The following ANO4 variants were observed in gnomAD, a reference collection of about 807,000 sequenced individuals.
ANO4 encodes the protein anoctamin 4.
Under a neutral mutation model 141.9 loss-of-function variants are expected in ANO4, and 69 were observed. That is an observed-to-expected ratio of 0.49 (90% confidence interval 0.40 to 0.59). ANO4 has a LOEUF of 0.59. ANO4 is among the 20% of genes least tolerant of loss of function. ANO4 has a pLI of 0.00. For synonymous variants in ANO4, 350 were observed against 394.3 expected, an observed-to-expected ratio of 0.89 and a Z score of 1.33; for missense variants, 894 against 1,162.2, an observed-to-expected ratio of 0.77 and a Z score of 3.36.
At chr12:100,949,937 C>A (rs181347221) in intron 5 of ANO4, among the ~76,000 whole-genome samples, 1 of 152,282 alleles carries the variant, frequency 6.6e-6, no homozygotes, top group East Asian at 1.9e-4. Flanking sequence ...CAAAGGAAAT[C>A]TTCACAAAGA....
chr12:101,050,510 C>T (rs146329359), intron 14 of ANO4, among the ~76,000 whole-genome samples: 1 of 152,286 alleles, frequency 6.6e-6, no homozygotes, highest in South Asian at 2.1e-4. Context: ...CTATTAGTAT[C>T]ATACACCGTG....
chr12:100,747,660 G>A lies in ANO4; in HGVS notation c.358+7555G>A, dbSNP rs532283125. Among the ~76,000 whole-genome samples the A allele has an allele frequency of 6.6e-5, 10 of 152,226 alleles. No homozygotes were observed. The South Asian group carries it at 1.7e-3, about 25-fold the overall frequency. The stretch of plus-strand genomic sequence containing the variant: ...GAGGCCAAGGTGGGTGGATCACAAG[G>A]TCAGGAGTTCGAGATCACCTTGGCC... On this transcript the variant is annotated intron_variant, in intron 3 of 29. Coordinates refer to the ANO4 transcript ENST00000644049.
At chr12:101,116,528 C>T in intron 24 of ANO4, 151 bp from the exon 25 acceptor site, 1 of 1,089,866 alleles carries the variant, frequency 9.2e-7, no homozygotes, top group Non-Finnish European at 1.3e-6. Flanking sequence ...CAGGGCTTTC[C>T]AGCGTATCCC....
intron 3 of ANO4, among the ~76,000 whole-genome samples, chr12:100,740,425 T>G (rs560582379): frequency 1.3e-5 from 2 of 152,200 alleles, no homozygotes; most frequent in South Asian, 4.1e-4. Context: ...GAAGGTTGAA[T>G]GTGTATAGAA....
At chr12:100,748,441 C>T (rs2032213085) in intron 3 of ANO4, among the ~76,000 whole-genome samples, 1 of 152,180 alleles carries the variant, frequency 6.6e-6, no homozygotes, top group African/African-American at 2.4e-5. Context: ...TGTGCCCAGC[C>T]AGCCTGAGCC....
At chr12:100,877,297 A>G (rs2039359652) in intron 1 of ANO4, among the ~76,000 whole-genome samples, 2 of 151,784 alleles carry the variant, frequency 1.3e-5, no homozygotes, top group South Asian at 4.1e-4. Flanking sequence ...AAAAAAGATA[A>G]GTGTATGAGG....
At chr12:100,750,748 A>G (rs1356083463) in intron 3 of ANO4, among the ~76,000 whole-genome samples, 1 of 152,192 alleles carries the variant, frequency 6.6e-6, no homozygotes, top group East Asian at 1.9e-4. Context: ...TCTGTGATAT[A>G]TAAGTGTCCA....
At chr12:100,809,124 T>C (rs555929911) in intron 1 of ANO4, among the ~76,000 whole-genome samples, 1 of 152,304 alleles carries the variant, frequency 6.6e-6, no homozygotes, top group East Asian at 1.9e-4. Flanking sequence ...TATAAGGTAA[T>C]GTGCTTTACA....
At chr12:100,748,594 G>T (rs1210172648) in intron 3 of ANO4, among the ~76,000 whole-genome samples, 3 of 152,228 alleles carry the variant, frequency 2.0e-5, no homozygotes, top group Non-Finnish European at 4.4e-5. Context: ...AGAACATAGA[G>T]TTGGGTCTAG....
chr12:100,720,617 G>T (rs1050857557), intron 1 of ANO4, among the ~76,000 whole-genome samples: 1 of 151,944 alleles, frequency 6.6e-6, no homozygotes, highest in African/African-American at 2.4e-5. Context: ...GCTGATGTTT[G>T]CCTGGGTTCT....
intron 7 of ANO4, among the ~76,000 whole-genome samples, chr12:100,982,594 C>G (rs1398563132): frequency 6.6e-6 from 1 of 152,194 alleles, no homozygotes; most frequent in Non-Finnish European, 1.5e-5. Context: ...CTCAATCGAG[C>G]CCTTTGTGCA....
chr12:101,096,229 C>G (rs1318683423), intron 18 of ANO4, among the ~76,000 whole-genome samples: 1 of 152,166 alleles, frequency 6.6e-6, no homozygotes, highest in Non-Finnish European at 1.5e-5. Context: ...AATGAGGCCT[C>G]GACAGCCTGG....
chr12:100,885,989 A>G (rs2039808443), intron 1 of ANO4, among the ~76,000 whole-genome samples: 1 of 152,188 alleles, frequency 6.6e-6, no homozygotes. Context: ...TCTTATTTCT[A>G]TTACTGTCTT....
Position 100,928,189 on chromosome 12 carries a change from G to A in ANO4, c.160+5859G>A, listed in dbSNP as rs200271603. ...GGTATGGGGGTGAGCGGGGCCGGGG[G>A]GGCTGGCATATATTGAGCAGATAAT... is the stretch of plus-strand genomic sequence containing the variant. On this transcript the variant is annotated intron_variant, in intron 3 of 27. Transcript: ENST00000392977. 2.1e-4 allele frequency among the ~76,000 whole-genome samples: 32 copies of A among 152,104 alleles called. No individual in the cohort carries two copies. In the East Asian group the frequency reaches 6.2e-3, roughly 30 times the overall value.
chr12:100,925,824 C>CAT (rs1306537522), intron 3 of ANO4, among the ~76,000 whole-genome samples: 2 of 144,874 alleles, frequency 1.4e-5, no homozygotes, highest in African/African-American at 2.5e-5. Context: ...TACATACATA[C>CAT]ATATATATAC....
chr12:101,118,139 C>G (rs2050929688), intron 25 of ANO4, among the ~76,000 whole-genome samples: 1 of 152,060 alleles, frequency 6.6e-6, no homozygotes, highest in South Asian at 2.1e-4. Context: ...CAGACCATTT[C>G]GTACATGAAA....
chr12:100,752,947 G>A (rs573051234), intron 3 of ANO4, among the ~76,000 whole-genome samples: 1 of 152,294 alleles, frequency 6.6e-6, no homozygotes, highest in Non-Finnish European at 1.5e-5. Flanking sequence ...TCTTGGCTGG[G>A]CTCACTCAGT....
chr12:100,928,045 G>GTCATTTC (rs1158934311), intron 3 of ANO4, among the ~76,000 whole-genome samples: 1 of 152,018 alleles, frequency 6.6e-6, no homozygotes, highest in African/African-American at 2.4e-5. Context: ...AGGAGACTGA[G>GTCATTTC]TCATTTCTCA....
chr12:100,873,054 CT>C (rs2039113150), intron 1 of ANO4, among the ~76,000 whole-genome samples: 1 of 152,170 alleles, frequency 6.6e-6, no homozygotes, highest in South Asian at 2.1e-4. Context: ...GCCTGCTTCC[CT>C]TTTGCCTTCT....
Sources: allele counts gnomAD v4.1 joint callset (sites outside exome capture counted in the v4.1 genomes callset), GRCh38; gene constraint gnomAD v4.1.1; transcripts MANE v1.5; gene names NCBI Gene and HGNC (gene_info 2026-07-23, HGNC 2026-07-21).